KIAA1614: variants seen among roughly 807,000 people sequenced by gnomAD.
KIAA1614 encodes KIAA1614.
KIAA1614 carries 76 observed loss-of-function variants against 88.7 expected under a neutral mutation model. The ratio of observed to expected loss-of-function variants is 0.86; its 90% CI spans 0.71 to 1.04. The LOEUF is 1.04. Ranked by LOEUF, KIAA1614 falls within the 50% of genes least tolerant of loss-of-function variation. The probability of loss-of-function intolerance (pLI) is 0.00; values close to 1 mark genes in which losing one functional copy is unlikely to be tolerated. For missense variants in KIAA1614, 1,553 were observed against 1,582.5 expected, an observed-to-expected ratio of 0.98 and a Z score of 0.32; for synonymous variants, 714 against 675.5, an observed-to-expected ratio of 1.06 and a Z score of -0.88.
At position 180,916,319 on chromosome 1, in the gene KIAA1614, A is replaced by T. The variant is rs1467687518; in HGVS notation, c.216A>T (p.Val72=). ...TGATGGCCCCCCAGCCTCCCAGGGT[A>T]TGGGGAGTACAGCTCCAGGGCCCCT... ...SSLMAPQPPR[V]WGVQLQGPSV... Residue 72 remains valine, a synonymous_variant, in exon 2 of 9, where the codon GTA becomes GTT. Coordinates refer to ENST00000367588, the MANE Select transcript of KIAA1614 (RefSeq NM_020950.2). 8.1e-6 allele frequency: 13 copies of T among 1,613,920 alleles called. No homozygotes were observed. The highest frequency in any genetic ancestry group is 3.3e-5 in the South Asian group (3 of 91,066).
In KIAA1614 at chr1:180,935,447, A is replaced by G; in HGVS notation, c.1538A>G (p.His513Arg). The G allele has an allele frequency of 6.8e-7, 1 of 1,474,598 alleles. No individual in the cohort carries two copies. Among genetic ancestry groups the G allele is most frequent in the Non-Finnish European group, 8.9e-7 (1 of 1,119,208 alleles). 91.3% of individuals were successfully genotyped at this position (1,474,598 alleles called of 1,614,324 possible). The change falls in exon 5 of 9, where the codon CAC (histidine) becomes CGC (arginine). Residue 513 changes from histidine (H) to arginine (R), a missense_variant. Physicochemically the swap from His to Arg is conservative, Grantham distance 29 (BLOSUM62 0). Transcript: ENST00000367588. The surrounding 1 kb of genome is among the most constrained non-coding windows in gnomAD (Gnocchi z 6.1). ...RLRDAGQGTF[H>R]RLVGSLDRRG... is the part of the protein sequence containing the mutation. ...CGGGACGCGGGGCAGGGGACATTCCACAGGCTTGTGGGCAGCCTGGACCGC... is the reference window on the plus strand; with the variant it reads ...CGGGACGCGGGGCAGGGGACATTCCGCAGGCTTGTGGGCAGCCTGGACCGC...
rs1261396134 is a variant in KIAA1614 at position 180,943,027 on chromosome 1, G to GTTTTTTTTTT, written c.3160-1362_3160-1361insTTTTTTTTTT. ...GTTTGCTGGGAGGCTTAGTTTTTTG[G>GTTTTTTTTTT]GTTTTTTTTTTTTTTTTAAGATGGA... On this transcript the variant is annotated intron_variant, in intron 7 of 8. Transcript: ENST00000367588. Among the ~76,000 whole-genome samples the GTTTTTTTTTT allele has an allele frequency of 4.5e-4, 10 of 22,326 alleles. 1 individual carries two copies. Among genetic ancestry groups the GTTTTTTTTTT allele is most frequent in the African/African-American group, 9.5e-4 (10 of 10,526 alleles). The allele number at this position is 22,326 out of a possible 152,430, so 14.6% of individuals were successfully genotyped here.
chr1:180,951,093 T>C lies in KIAA1614; in HGVS notation c.*5505T>C, dbSNP rs1022984437. On this transcript the variant is annotated 3_prime_UTR_variant, in exon 9 of 9. Transcript: ENST00000367588. ...TATGCCAAACCAAAATCAGAACGTGTGGTCTGGCAGGAGTTTTATGCCCCT... is the reference window on the plus strand; with the variant it reads ...TATGCCAAACCAAAATCAGAACGTGCGGTCTGGCAGGAGTTTTATGCCCCT... 6.6e-6 allele frequency: 1 copy of C among 152,244 alleles called. No individual in the cohort carries two copies. The allele number at this position is 152,244 out of a possible 1,614,324, so 9.4% of individuals were successfully genotyped here.
chr1:180,928,279 G>C lies in KIAA1614; in HGVS notation c.1062-151G>C, dbSNP rs1571290863. Reference sequence around the variant, plus strand: ...CCCAGGCCCCAGGCCCCCAGGCTGGGTTCCCTGTGCGTGGGTGCTAGAGGA... The same window carrying C: ...CCCAGGCCCCAGGCCCCCAGGCTGGCTTCCCTGTGCGTGGGTGCTAGAGGA... On this transcript the variant is annotated intron_variant, in intron 3 of 8. Transcript: ENST00000367588. 5 of 963,508 alleles carry C rather than the reference G, an allele frequency of 5.2e-6. No homozygotes were observed. The East Asian group carries it at 1.4e-4, about 28-fold the overall frequency. 59.7% of individuals were successfully genotyped at this position (963,508 alleles called of 1,614,324 possible). A position where few individuals can be genotyped will look rare whatever the true frequency, so the allele number is the denominator to read the frequency against.
chr1:180,917,080 C>T lies in KIAA1614; in HGVS notation c.977C>T (p.Ser326Phe), dbSNP rs77695365. The T allele has an allele frequency of 0.056, 89,722 of 1,612,932 alleles. 2,739 individuals carry two copies. The highest frequency in any genetic ancestry group is 0.12 in the Middle Eastern group (719 of 6,052). Residue 326 changes from serine (S) to phenylalanine (F), a missense_variant, in exon 2 of 9, where the codon TCC (serine) becomes TTC (phenylalanine). Coordinates refer to ENST00000367588, the MANE Select transcript of KIAA1614 (RefSeq NM_020950.2). The stretch of plus-strand genomic sequence containing the variant: ...GTGGGAACCCCTGCCTGGACTCCAT[C>T]CTGGGACACAGCTGCACCAGGTGAA... ...RKVGTPAWTP[S>F]WDTAAPERPV...
intron 3 of KIAA1614, among the ~76,000 whole-genome samples, chr1:180,924,315 G>T (rs3845414): frequency 2.2e-4 from 34 of 152,224 alleles, no homozygotes; most frequent in Non-Finnish European, 4.7e-4. Flanking sequence ...AGGGCATCTC[G>T]GACACCTGCC....
In KIAA1614 at chr1:180,913,199, C is replaced by T. The variant is rs558427369; in HGVS notation, c.-45C>T. ...GTCCCTCCCCGAACCCAGCAGCTGG[C>T]CTGGGAGGGAGAAGGGGCTGGAGAG... On this transcript the variant is annotated 5_prime_UTR_variant, in exon 1 of 9. Transcript: ENST00000367588. 3 of 1,234,188 alleles carry T rather than the reference C, an allele frequency of 2.4e-6. No homozygotes were observed. Among genetic ancestry groups the T allele is most frequent in the Middle Eastern group, 3.1e-4 (1 of 3,192 alleles). 76.5% of individuals were successfully genotyped at this position (1,234,188 alleles called of 1,614,324 possible).
rs200728905 is a variant in KIAA1614 at position 180,935,578 on chromosome 1, C to T, written c.1669C>T (p.Pro557Ser). 179 of 1,608,616 alleles carry T rather than the reference C, an allele frequency of 1.1e-4. No individual in the cohort carries two copies. The African/African-American group carries it at 2.1e-3, about 19-fold the overall frequency. ...CGCCCAGGGGAAGGCGCCCCCCGTC[C>T]CCAGGACCCTCCAGGAGCTCCAGGC... ...RPAQGKAPPVPRTLQELQAAC... is the reference protein window; with the variant it reads ...RPAQGKAPPVSRTLQELQAAC... Residue 557 changes from proline to serine, a missense_variant, in exon 5 of 9, where the codon CCC (proline) becomes TCC (serine). Coordinates refer to ENST00000367588, the MANE Select transcript of KIAA1614 (RefSeq NM_020950.2). This position sits in a 1 kb window ranked among gnomAD's most constrained non-coding sequence, Gnocchi z 6.1.
intron 7 of KIAA1614, among the ~76,000 whole-genome samples, chr1:180,943,556 T>TTTTTTTTTTTTTTTTTTTTG (rs1654518987): frequency 8.0e-6 from 1 of 124,536 alleles, no homozygotes; most frequent in Non-Finnish European, 1.7e-5. Context: ...AGATCTTTTT[T>TTTTTTTTTTTTTTTTTTTTG]TTTTTTTTTT....
intron 3 of KIAA1614, among the ~76,000 whole-genome samples, chr1:180,925,519 A>T (rs1179327485): frequency 6.6e-6 from 1 of 152,176 alleles, no homozygotes; most frequent in East Asian, 1.9e-4. Context: ...CGCTGAGCTT[A>T]TTATTTTAAT....
intron 6 of KIAA1614, among the ~76,000 whole-genome samples, chr1:180,939,354 A>G (rs1299528536): frequency 2.0e-5 from 3 of 152,162 alleles, no homozygotes; most frequent in African/African-American, 4.8e-5. Context: ...TCTCCTGGAC[A>G]TCTCCATCAG....
chr1:180,947,427 A>G lies in KIAA1614; in HGVS notation c.*1839A>G, dbSNP rs1475596773. Reference sequence around the variant, plus strand: ...TATTTCAGCAGTCCAGGACAGAGACAGTGGTGCCTGGACTGGGAACGGCTG... The same window carrying G: ...TATTTCAGCAGTCCAGGACAGAGACGGTGGTGCCTGGACTGGGAACGGCTG... On this transcript the variant is annotated 3_prime_UTR_variant, in exon 9 of 9. Coordinates refer to ENST00000367588, the MANE Select transcript of KIAA1614 (RefSeq NM_020950.2). 1 of 152,176 alleles carries G rather than the reference A, an allele frequency of 6.6e-6. No individual in the cohort carries two copies. Among genetic ancestry groups the G allele is most frequent in the Non-Finnish European group, 1.5e-5 (1 of 68,064 alleles). 9.4% of individuals were successfully genotyped at this position (152,176 alleles called of 1,614,324 possible).
At chr1:180,920,227 CCT>C (rs1192759552) in intron 3 of KIAA1614, among the ~76,000 whole-genome samples, 1 of 152,202 alleles carries the variant, frequency 6.6e-6, no homozygotes, top group African/African-American at 2.4e-5. Context: ...TGCAGGGCTC[CCT>C]CTCTCCCCGG....
At chr1:180,921,840 G>C (rs988026067) in intron 3 of KIAA1614, among the ~76,000 whole-genome samples, 1 of 152,208 alleles carries the variant, frequency 6.6e-6, no homozygotes, top group African/African-American at 2.4e-5. Context: ...AGAGAAGTGG[G>C]AGGACATTGA....
At chr1:180,934,288 AAAAG>A (rs901257375) in intron 4 of KIAA1614, among the ~76,000 whole-genome samples, 110 of 151,458 alleles carry the variant, frequency 7.3e-4, no homozygotes, top group African/African-American at 2.6e-3. Flanking sequence ...AAAGAAAAGA[AAAAG>A]AAACCCTGAC....
chr1:180,925,027 C>G (rs1230744282), intron 3 of KIAA1614, among the ~76,000 whole-genome samples: 2 of 152,032 alleles, frequency 1.3e-5, no homozygotes, highest in Non-Finnish European at 2.9e-5. Context: ...GAAACTGAGG[C>G]TCAACTCCTA....
Position 180,936,105 on chromosome 1 carries a change from C to G in KIAA1614, c.2196C>G (p.His732Gln), listed in dbSNP as rs368068411. ...AGCCTGGACCAGGGCTGGGAAGTCA[C>G]CAGCCTCACCCTTTGGATTCCCGGA... ...QWQPGPGLGS[H>Q]QPHPLDSRTP... The change falls in exon 5 of 9, where the codon CAC (histidine) becomes CAG (glutamine). Residue 732 changes from histidine to glutamine, a missense_variant. His to Gln is a conservative substitution (Grantham distance 24). Coordinates refer to ENST00000367588, the MANE Select transcript of KIAA1614 (RefSeq NM_020950.2). 1 of 1,614,072 alleles carries G rather than the reference C, an allele frequency of 6.2e-7. No homozygotes were observed. The highest frequency in any genetic ancestry group is 8.5e-7 in the Non-Finnish European group (1 of 1,180,026).
In KIAA1614 at chr1:180,935,764, G is replaced by A. The variant is rs1350605433; in HGVS notation, c.1855G>A (p.Asp619Asn). 3.7e-6 allele frequency: 6 copies of A among 1,613,766 alleles called. No homozygotes were observed. Among genetic ancestry groups the A allele is most frequent in the Non-Finnish European group, 5.1e-6 (6 of 1,179,964 alleles). ...TGCCCTGGACAGCACAGACAACTCT[G>A]ACAACTGCAGGACCGACAGTGAGGA... ...DSALDSTDNS[D>N]NCRTDSEEAG... The change falls in exon 5 of 9, where the codon GAC becomes AAC. Residue 619 changes from aspartate to asparagine, a missense_variant. Asp to Asn is a conservative substitution (Grantham distance 23). Coordinates refer to ENST00000367588, the MANE Select transcript of KIAA1614 (RefSeq NM_020950.2). This position sits in a 1 kb window ranked among gnomAD's most constrained non-coding sequence, Gnocchi z 6.1.
Position 180,936,145 on chromosome 1 carries a change from G to C in KIAA1614, c.2236G>C (p.Ala746Pro). 1 of 1,614,176 alleles carries C rather than the reference G, an allele frequency of 6.2e-7. No homozygotes were observed. Among genetic ancestry groups the C allele is most frequent in the Non-Finnish European group, 8.5e-7 (1 of 1,180,028 alleles). ...PLDSRTPCRT[A>P]YATTAPMTPE... ...GGATTCCCGGACTCCATGCAGGACA[G>C]CCTATGCCACCACCGCCCCCATGAC... is the stretch of plus-strand genomic sequence containing the variant. The change falls in exon 5 of 9, where the codon GCC becomes CCC. Residue 746 changes from alanine to proline, a missense_variant. By Grantham distance (27) the Ala-to-Pro change is conservative. Transcript: ENST00000367588.
Sources: gnomAD v4.1 joint callset for allele counts (sites outside exome capture counted in the v4.1 genomes callset) on GRCh38, gnomAD v4.1.1 for gene constraint, Gnocchi (gnomAD v3.1) non-coding constraint, MANE v1.5 for transcripts, NCBI Gene and HGNC (gene_info 2026-07-23, HGNC 2026-07-21) for gene names.